Variants in KATNIP observed in about 807,000 individuals in gnomAD.
KATNIP encodes the protein katanin-interacting protein.
KATNIP carries 126 observed loss-of-function variants against 174.0 expected under a neutral mutation model. The observed-to-expected ratio is 0.72, with a 90% CI of 0.63 to 0.84. The LOEUF (loss-of-function observed/expected upper bound fraction) is 0.84. Ranked by LOEUF, KATNIP falls within the 40% of genes least tolerant of loss-of-function variation. The pLI is 0.00. For missense variants in KATNIP, 1,958 were observed against 2,109.7 expected (o/e 0.93, Z 1.41); for synonymous variants, 810 against 835.7 (o/e 0.97, Z 0.53).
intron 1 of KATNIP, among the ~76,000 whole-genome samples, chr16:27,558,415 G>A (rs771604145): frequency 6.6e-6 from 1 of 152,152 alleles, no homozygotes; most frequent in Non-Finnish European, 1.5e-5. Context: ...AAAATGCTGG[G>A]ATTACAGGCA....
intron 13 of KATNIP, among the ~76,000 whole-genome samples, chr16:27,715,093 C>T (rs2079868047): frequency 6.6e-6 from 1 of 152,188 alleles, no homozygotes; most frequent in Non-Finnish European, 1.5e-5. Flanking sequence ...ATAGGATAGA[C>T]ATATAGATCA....
rs948404104 is a variant in KATNIP at position 27,700,262 on chromosome 16, G to A, written c.1179+663G>A. 4.6e-5 allele frequency among the ~76,000 whole-genome samples: 7 copies of A among 152,094 alleles called. No homozygotes were observed. The East Asian group carries it at 1.2e-3, about 25-fold the overall frequency. On this transcript the variant is annotated intron_variant, in intron 10 of 27. Coordinates refer to ENST00000261588, the MANE Select transcript of KATNIP (RefSeq NM_015202.5). ...ATGCAAAAACAGATCTTAGTACCTTGAATAAATAAATTTTTTTATCTGTAT... is the reference window on the plus strand; with the variant it reads ...ATGCAAAAACAGATCTTAGTACCTTAAATAAATAAATTTTTTTATCTGTAT...
Position 27,701,628 on chromosome 16 carries a change from G to A in KATNIP, c.1219G>A (p.Ala407Thr). The A allele has an allele frequency of 6.2e-7, 1 of 1,606,748 alleles. No individual in the cohort carries two copies. The highest frequency in any genetic ancestry group is 8.5e-7 in the Non-Finnish European group (1 of 1,177,166). ...CACGGCGACTACTACTCAGGAGCCG[G>A]CCGGGGCAGCAGGAGGAGCCAGGGC... is the stretch of plus-strand genomic sequence containing the variant. ...ITTATTTQEP[A>T]GAAGGARAIN... The change falls in exon 11 of 28, where the codon GCC (alanine) becomes ACC (threonine). Residue 407 changes from alanine (A) to threonine (T), a missense_variant. Physicochemically the swap from Ala to Thr is moderately conservative, Grantham distance 58. Transcript: ENST00000261588.
chr16:27,666,426 TG>T (rs1158608027), intron 6 of KATNIP, among the ~76,000 whole-genome samples: 1 of 152,054 alleles, frequency 6.6e-6, no homozygotes, highest in East Asian at 1.9e-4. Context: ...TGTTTTGTTT[TG>T]TTTTGTTTTT....
intron 2 of KATNIP, among the ~76,000 whole-genome samples, chr16:27,601,439 A>G (rs1219492815): frequency 2.0e-5 from 3 of 152,008 alleles, no homozygotes; most frequent in African/African-American, 7.2e-5. Context: ...AGGCAGGGGG[A>G]ACAACAGAGG....
chr16:27,751,154 T>A (rs1812587232), intron 16 of KATNIP, among the ~76,000 whole-genome samples: 1 of 152,130 alleles, frequency 6.6e-6, no homozygotes, highest in Non-Finnish European at 1.5e-5. Flanking sequence ...GGGCATTCTT[T>A]GGCAAGTGAC....
chr16:27,738,808 C>T (rs1478851495), intron 14 of KATNIP, among the ~76,000 whole-genome samples: 2 of 152,202 alleles, frequency 1.3e-5, no homozygotes, highest in African/African-American at 4.8e-5. Context: ...GAACATGGGA[C>T]AGTCCCCGCA....
chr16:27,590,268 G>A (rs1436457590), intron 2 of KATNIP, among the ~76,000 whole-genome samples: 1 of 151,336 alleles, frequency 6.6e-6, no homozygotes, highest in Non-Finnish European at 1.5e-5. Context: ...GGAATGTTTT[G>A]TGATTTGTGG....
chr16:27,568,426 G>A (rs1458410407), intron 1 of KATNIP, among the ~76,000 whole-genome samples: 1 of 152,114 alleles, frequency 6.6e-6, no homozygotes. Context: ...TGCTTTTGAG[G>A]GATTACAGGT....
intron 6 of KATNIP, among the ~76,000 whole-genome samples, chr16:27,650,345 G>A (rs2077083817): frequency 6.6e-6 from 1 of 152,216 alleles, no homozygotes; most frequent in Non-Finnish European, 1.5e-5. Context: ...GGCAGAACAG[G>A]CCTGGGCCAG....
intron 5 of KATNIP, among the ~76,000 whole-genome samples, chr16:27,635,555 T>C (rs2086731440): frequency 2.0e-5 from 3 of 151,824 alleles, no homozygotes; most frequent in Admixed American, 2.0e-4. Flanking sequence ...TTAACAGACA[T>C]GTATTGATAC....
At chr16:27,560,939 AC>A (rs1047106429) in intron 1 of KATNIP, among the ~76,000 whole-genome samples, 2 of 152,092 alleles carry the variant, frequency 1.3e-5, no homozygotes, top group Admixed American at 1.3e-4. Flanking sequence ...CATAAAGTAG[AC>A]AAAGGAAAGG....
intron 1 of KATNIP, among the ~76,000 whole-genome samples, chr16:27,568,901 C>T (rs573011912): frequency 5.9e-5 from 9 of 152,272 alleles, no homozygotes; most frequent in South Asian, 4.1e-4. Context: ...TTACCAGACT[C>T]GATGGGAGTG....
At chr16:27,760,742 G>A (rs1281716479) in intron 18 of KATNIP, among the ~76,000 whole-genome samples, 1 of 152,204 alleles carries the variant, frequency 6.6e-6, no homozygotes, top group African/African-American at 2.4e-5. Context: ...CAAGGAGTTA[G>A]GCATCTGGCG....
At chr16:27,583,453 G>T (rs141638715) in intron 2 of KATNIP, among the ~76,000 whole-genome samples, 1 of 152,170 alleles carries the variant, frequency 6.6e-6, no homozygotes, top group Non-Finnish European at 1.5e-5. Flanking sequence ...CTAAGAGGAG[G>T]TTCCTGCAAG....
chr16:27,614,269 G>A (rs533584616), intron 2 of KATNIP, among the ~76,000 whole-genome samples: 314 of 152,008 alleles, frequency 2.1e-3, no homozygotes, highest in African/African-American at 7.1e-3. Context: ...GGGTTCAAGC[G>A]ATTCTCCTGC....
At position 27,769,858 on chromosome 16, in the gene KATNIP, C is replaced by A. The variant is rs2082239491; in HGVS notation, c.3976-3C>A. On this transcript the variant is annotated splice_region_variant and splice_polypyrimidine_tract_variant and intron_variant, in intron 20 of 27. Coordinates refer to ENST00000261588, the MANE Select transcript of KATNIP (RefSeq NM_015202.5). ...CAGTCATGTTATTTCTTTTGTTTGCCAGGCCAAGATTGTCCACGTCTCCCT... is the reference window on the plus strand; with the variant it reads ...CAGTCATGTTATTTCTTTTGTTTGCAAGGCCAAGATTGTCCACGTCTCCCT... The A allele has an allele frequency of 6.2e-7, 1 of 1,612,264 alleles. No homozygotes were observed. The highest frequency in any genetic ancestry group is 2.2e-5 in the East Asian group (1 of 44,822).
intron 6 of KATNIP, among the ~76,000 whole-genome samples, chr16:27,669,523 G>A (rs1311618268): frequency 6.6e-6 from 1 of 152,192 alleles, no homozygotes; most frequent in Non-Finnish European, 1.5e-5. Flanking sequence ...CTGGATGATG[G>A]CTTCACAGCA....
In KATNIP at chr16:27,776,810, G is replaced by A. The variant is rs922505625; in HGVS notation, c.4450-118G>A. The A allele has an allele frequency of 1.4e-5, 10 of 700,598 alleles. No individual in the cohort carries two copies. Among genetic ancestry groups the A allele is most frequent in the East Asian group, 2.6e-5 (1 of 38,750 alleles). The allele number at this position is 700,598 out of a possible 1,614,324, so 43.4% of individuals were successfully genotyped here. A position where few individuals can be genotyped will look rare whatever the true frequency, so the allele number is the denominator to read the frequency against. ...GGGGCGGAACTCCAGGCTGGCCCACGTGGCAGGCGCTGCCTTGGGCACCAC... is the reference window on the plus strand; with the variant it reads ...GGGGCGGAACTCCAGGCTGGCCCACATGGCAGGCGCTGCCTTGGGCACCAC... On this transcript the variant is annotated intron_variant, in intron 24 of 27. Coordinates refer to ENST00000261588, the MANE Select transcript of KATNIP (RefSeq NM_015202.5). This position sits in a 1 kb window ranked among gnomAD's most constrained non-coding sequence, Gnocchi z 4.7.
Sources: gnomAD v4.1 joint callset for allele counts (sites outside exome capture counted in the v4.1 genomes callset) on GRCh38, gnomAD v4.1.1 for gene constraint, Gnocchi (gnomAD v3.1) non-coding constraint, MANE v1.5 for transcripts, NCBI Gene and HGNC (gene_info 2026-07-23, HGNC 2026-07-21) for gene names.